VWC2: variants seen among roughly 807,000 people sequenced by gnomAD.
The protein encoded by VWC2 is von Willebrand factor C domain containing 2.
VWC2 carries 14 observed loss-of-function variants against 29.8 expected under a neutral mutation model. The observed-to-expected ratio is 0.47, with a 90% CI of 0.31 to 0.74. The LOEUF (loss-of-function observed/expected upper bound fraction) is 0.74, where lower values mean the gene tolerates loss of function less well. Ranked by LOEUF, VWC2 falls within the 30% of genes least tolerant of loss-of-function variation. The pLI is 0.05. For missense variants in VWC2, 457 were observed against 459.8 expected, an observed-to-expected ratio of 0.99 and a Z score of 0.05; for synonymous variants, 213 against 199.0, an observed-to-expected ratio of 1.07 and a Z score of -0.59.
intron 2 of VWC2, among the ~76,000 whole-genome samples, chr7:49,789,204 G>GGT (rs143807454): frequency 0.12 from 17,730 of 146,886 alleles, 1,096 homozygotes; most frequent in Middle Eastern, 0.16. Context: ...TGTGAGTGTG[G>GGT]GTGTGTGTGT....
chr7:49,828,608 T>G (rs1242208592), intron 3 of VWC2, among the ~76,000 whole-genome samples: 2 of 152,176 alleles, frequency 1.3e-5, no homozygotes, highest in South Asian at 4.1e-4. Context: ...GGGTCTGGGC[T>G]GTGCTACTGC....
chr7:49,901,113 C>T (rs1792701455), intron 3 of VWC2: 1 of 151,922 alleles, frequency 6.6e-6, no homozygotes, highest in East Asian at 1.9e-4. Context: ...CAACATCGTA[C>T]TTACTGTTGA....
chr7:49,828,183 G>A (rs909675231), intron 3 of VWC2, among the ~76,000 whole-genome samples: 18 of 152,140 alleles, frequency 1.2e-4, no homozygotes, highest in Admixed American at 1.2e-3. Context: ...CATCCGTGCT[G>A]TGCCTATTTG....
At chr7:49,781,613 C>T (rs1434924641) in intron 2 of VWC2, among the ~76,000 whole-genome samples, 1 of 152,114 alleles carries the variant, frequency 6.6e-6, no homozygotes, top group Non-Finnish European at 1.5e-5. Flanking sequence ...GCGTGTTGGA[C>T]TCTGAAGATC....
At chr7:49,824,192 G>A (rs1239610447) in intron 3 of VWC2, among the ~76,000 whole-genome samples, 2 of 152,076 alleles carry the variant, frequency 1.3e-5, no homozygotes, top group African/African-American at 4.8e-5. Flanking sequence ...AAGGTCACAA[G>A]TTTCTCTTAC....
chr7:49,804,911 C>T (rs952186316), intron 3 of VWC2, among the ~76,000 whole-genome samples: 3 of 152,144 alleles, frequency 2.0e-5, no homozygotes, highest in African/African-American at 7.2e-5. Context: ...CTGAAACCTA[C>T]TGAATAGTGT....
At chr7:49,777,485 C>T (rs1272309138) in intron 2 of VWC2, among the ~76,000 whole-genome samples, 1 of 152,216 alleles carries the variant, frequency 6.6e-6, no homozygotes. Context: ...AGCTGCAGGA[C>T]TGGAACAAAA....
rs144354910 is a variant in VWC2, at chr7:49,880,914, G to A, written c.827-31120G>A. 1.5e-3 allele frequency among the ~76,000 whole-genome samples: 224 copies of A among 152,264 alleles called. 2 individuals carry two copies. The highest frequency in any genetic ancestry group is 5.1e-3 in the African/African-American group (213 of 41,552). ...TTCTCTTACAGAAAAGATTGGGCAC[G>A]TTCAGGGTGGCATGATGTAATCATC... On this transcript the variant is annotated intron_variant, in intron 3 of 3. Transcript: ENST00000340652.
rs534729494 is a variant in VWC2, at chr7:49,805,821, G to A, written c.826+2981G>A. On this transcript the variant is annotated intron_variant, in intron 3 of 3. Coordinates refer to ENST00000340652, the MANE Select transcript of VWC2 (RefSeq NM_198570.5). ...AAGGTTTTAACTCTTGATCTCCGTA[G>A]ACCAGCCTTTACTCCTCACTCTGGC... 8.1e-4 allele frequency among the ~76,000 whole-genome samples: 123 copies of A among 152,284 alleles called. 1 individual carries two copies. The highest frequency in any genetic ancestry group is 2.2e-3 in the Admixed American group (34 of 15,296).
intron 3 of VWC2, among the ~76,000 whole-genome samples, chr7:49,861,474 T>G (rs575042135): frequency 6.6e-6 from 1 of 152,218 alleles, no homozygotes; most frequent in Non-Finnish European, 1.5e-5. Context: ...TATCCCATTA[T>G]GCAGGTGAGT....
chr7:49,871,725 A>G (rs917923852), intron 3 of VWC2, among the ~76,000 whole-genome samples: 6 of 152,084 alleles, frequency 3.9e-5, no homozygotes, highest in Non-Finnish European at 7.3e-5. Context: ...TCAGGTAAGG[A>G]AAAAAATCAA....
At chr7:49,902,003 GAGAC>G (rs1792772006) in intron 3 of VWC2, among the ~76,000 whole-genome samples, 1 of 147,072 alleles carries the variant, frequency 6.8e-6, no homozygotes, top group Non-Finnish European at 1.5e-5. Flanking sequence ...AATAAATCAA[GAGAC>G]AGACTTTACA....
chr7:49,878,759 A>G (rs146690990), intron 3 of VWC2, among the ~76,000 whole-genome samples: 3 of 152,238 alleles, frequency 2.0e-5, no homozygotes, highest in African/African-American at 7.2e-5. Flanking sequence ...CTGATATTTT[A>G]ATTTCACATG....
intron 3 of VWC2, among the ~76,000 whole-genome samples, chr7:49,837,322 G>A (rs1789686666): frequency 6.6e-6 from 1 of 152,194 alleles, no homozygotes; most frequent in South Asian, 2.1e-4. Context: ...AGTAATTGCT[G>A]AAAATTGTGT....
chr7:49,789,442 A>G (rs978710022), intron 2 of VWC2, among the ~76,000 whole-genome samples: 12 of 151,864 alleles, frequency 7.9e-5, no homozygotes, highest in African/African-American at 2.4e-4. Flanking sequence ...CACAGTCCCC[A>G]CCACTCCTTA....
chr7:49,922,019 T>G (rs1024179049), downstream of VWC2: 2 of 152,178 alleles, frequency 1.3e-5, no homozygotes, highest in Non-Finnish European at 2.9e-5. Flanking sequence ...TGAAAGTAGA[T>G]TAAGCAAGAT....
At chr7:49,881,841 A>G (rs935593373) in intron 3 of VWC2, among the ~76,000 whole-genome samples, 2 of 152,042 alleles carry the variant, frequency 1.3e-5, no homozygotes, top group Non-Finnish European at 2.9e-5. Context: ...GTACTACTAA[A>G]CAGATATTTT....
rs117087641 is a variant in VWC2 at position 49,838,815 on chromosome 7, G to A, written c.826+35975G>A. Among the ~76,000 whole-genome samples the A allele has an allele frequency of 4.1e-3, 623 of 152,148 alleles. 18 individuals carry two copies. The highest frequency in any genetic ancestry group is 0.03 in the East Asian group (153 of 5,180). ...AGTAACACTATGAAATCAATATAATGTACATTTTACAAATCAGAAAACAAG... is the reference window on the plus strand; with the variant it reads ...AGTAACACTATGAAATCAATATAATATACATTTTACAAATCAGAAAACAAG... On this transcript the variant is annotated intron_variant, in intron 3 of 3. Coordinates refer to ENST00000340652, the MANE Select transcript of VWC2 (RefSeq NM_198570.5).
In VWC2 at chr7:49,895,023, A is replaced by G. The variant is rs141901823; in HGVS notation, c.827-17011A>G. On this transcript the variant is annotated intron_variant, in intron 3 of 3. Coordinates refer to ENST00000340652, the MANE Select transcript of VWC2 (RefSeq NM_198570.5). The stretch of plus-strand genomic sequence containing the variant: ...TAGGCCATTCTGATACTATATGTCT[A>G]AGTCCATTCATGCTACTATAACAAA... Among the ~76,000 whole-genome samples the G allele has an allele frequency of 2.4e-3, 362 of 152,320 alleles. 1 individual carries two copies. Among genetic ancestry groups the G allele is most frequent in the African/African-American group, 8.0e-3 (331 of 41,566 alleles).
Sources: allele counts gnomAD v4.1 joint callset (sites outside exome capture counted in the v4.1 genomes callset), GRCh38; gene constraint gnomAD v4.1.1; transcripts MANE v1.5; gene names NCBI Gene and HGNC (gene_info 2026-07-23, HGNC 2026-07-21).